Variants in ENTREP2 observed in about 807,000 individuals in gnomAD.
ENTREP2 encodes endosomal transmembrane epsin interactor 2.
chr15:29,607,265 A>G, the ENTREP2 span, among the ~76,000 whole-genome samples: 2 of 148,412 alleles, frequency 1.3e-5, no homozygotes, highest in Non-Finnish European at 3.0e-5. Context: ...ATAGCCTTCA[A>G]TGTTCACTAC....
the ENTREP2 span, among the ~76,000 whole-genome samples, chr15:29,140,072 T>C: frequency 2.4e-3 from 364 of 152,222 alleles, 4 homozygotes; most frequent in East Asian, 5.0e-3. Flanking sequence ...TCCCTTCTGT[T>C]CCCCGGCTTT....
chr15:29,606,178 T>C, the ENTREP2 span, among the ~76,000 whole-genome samples: 1 of 152,028 alleles, frequency 6.6e-6, no homozygotes, highest in African/African-American at 2.4e-5. Flanking sequence ...TTACAACTTA[T>C]CGTTGACAAA....
chr15:29,174,668 C>T, the ENTREP2 span, among the ~76,000 whole-genome samples: 7,629 of 146,554 alleles, frequency 0.052, 686 homozygotes, highest in African/African-American at 0.19. Context: ...CTAGCCTGGG[C>T]GACAGAGTGA....
At chr15:29,118,279 G>A in the ENTREP2 span, 1,635 of 152,594 alleles carry the variant, frequency 0.011, 12 homozygotes, top group Middle Eastern at 0.024. Flanking sequence ...GGAAGACTTC[G>A]CGCATATCAC....
the ENTREP2 span, chr15:29,570,357 C>T: frequency 2.4e-6 from 1 of 415,030 alleles, no homozygotes; most frequent in Non-Finnish European, 4.0e-6. Flanking sequence ...CTCGGAGTTT[C>T]GAACTGCGCC....
the ENTREP2 span, among the ~76,000 whole-genome samples, chr15:29,597,603 G>A: frequency 1.3e-5 from 2 of 151,312 alleles, no homozygotes; most frequent in Non-Finnish European, 2.9e-5. Context: ...TAACTTTGTT[G>A]GGCTTGATAG....
At chr15:29,260,848 TTAATA>T in the ENTREP2 span, among the ~76,000 whole-genome samples, 9 of 152,190 alleles carry the variant, frequency 5.9e-5, no homozygotes, top group Admixed American at 1.3e-4. Flanking sequence ...TGGAAATATG[TTAATA>T]TAATACTAAA....
chr15:29,476,163 G>T, the ENTREP2 span, among the ~76,000 whole-genome samples: 1 of 152,166 alleles, frequency 6.6e-6, no homozygotes, highest in East Asian at 1.9e-4. Context: ...ACTAAAATCT[G>T]CAATTCTTTT....
chr15:29,466,283 T>A, the ENTREP2 span, among the ~76,000 whole-genome samples: 32 of 152,318 alleles, frequency 2.1e-4, no homozygotes, highest in Admixed American at 1.3e-3. Flanking sequence ...TGCTTTATGT[T>A]TCTGTCATGG....
the ENTREP2 span, among the ~76,000 whole-genome samples, chr15:29,672,099 G>A: frequency 1.3e-5 from 2 of 152,198 alleles, no homozygotes; most frequent in Non-Finnish European, 2.9e-5. Flanking sequence ...TGATTTTCAT[G>A]CCTCAGCCTC....
At chr15:29,271,154 T>C in the ENTREP2 span, among the ~76,000 whole-genome samples, 3 of 152,212 alleles carry the variant, frequency 2.0e-5, no homozygotes, top group African/African-American at 7.2e-5. Context: ...GAGTAATAAC[T>C]TACTGTTCCA....
chr15:29,352,396 CAG>C, the ENTREP2 span, among the ~76,000 whole-genome samples: 2 of 152,200 alleles, frequency 1.3e-5, no homozygotes, highest in African/African-American at 4.8e-5. Context: ...GCACATTACA[CAG>C]AGTCTTAGTT....
the ENTREP2 span, among the ~76,000 whole-genome samples, chr15:29,317,944 C>T: frequency 2.6e-5 from 4 of 152,126 alleles, no homozygotes; most frequent in Admixed American, 6.5e-5. Context: ...GGCTTTTGCA[C>T]GGTGGCAATG....
the ENTREP2 span, among the ~76,000 whole-genome samples, chr15:29,626,137 T>C: frequency 6.6e-6 from 1 of 152,220 alleles, no homozygotes; most frequent in Non-Finnish European, 1.5e-5. Flanking sequence ...ATGTTGTTGC[T>C]AGTACATAAA....
chr15:29,344,201 T>C, the ENTREP2 span, among the ~76,000 whole-genome samples: 3,409 of 152,256 alleles, frequency 0.022, 59 homozygotes, highest in African/African-American at 0.047. Context: ...GGGGAGACTT[T>C]CCAGGGAACA....
chr15:29,617,261 A>G, the ENTREP2 span, among the ~76,000 whole-genome samples: 21 of 152,222 alleles, frequency 1.4e-4, no homozygotes, highest in African/African-American at 5.1e-4. Flanking sequence ...CAAAGGCCTG[A>G]GCACCAGGAA....
At chr15:29,459,590 C>G in the ENTREP2 span, among the ~76,000 whole-genome samples, 1 of 152,192 alleles carries the variant, frequency 6.6e-6, no homozygotes, top group East Asian at 1.9e-4. Context: ...ATCCCTAACT[C>G]CCTCAGAGAC....
the ENTREP2 span, among the ~76,000 whole-genome samples, chr15:29,293,444 G>A: frequency 6.7e-6 from 1 of 150,254 alleles, no homozygotes; most frequent in Non-Finnish European, 1.5e-5. Context: ...TTTTAGTAGA[G>A]ACAGGGTTTC....
chr15:29,125,291 C>CGCT, the ENTREP2 span, among the ~76,000 whole-genome samples: 3 of 152,202 alleles, frequency 2.0e-5, no homozygotes, highest in South Asian at 6.2e-4. Flanking sequence ...GCTCAAGAAA[C>CGCT]CAGCAGAGGG....
Sources: allele counts gnomAD v4.1 joint callset (sites outside exome capture counted in the v4.1 genomes callset), GRCh38; gene constraint gnomAD v4.1.1; transcripts MANE v1.5; gene names NCBI Gene and HGNC (gene_info 2026-07-23, HGNC 2026-07-21).